The following CLSTN2 variants were observed in gnomAD, a reference collection of about 807,000 sequenced individuals.
CLSTN2 encodes calsyntenin-2.
Under a neutral mutation model 101.2 loss-of-function variants are expected in CLSTN2, and 48 were observed. The ratio of observed to expected loss-of-function variants is 0.47; its 90% CI spans 0.38 to 0.60. The LOEUF (loss-of-function observed/expected upper bound fraction) is 0.60. CLSTN2 is among the 20% of genes least tolerant of loss of function. The pLI, the probability that CLSTN2 is intolerant of heterozygous loss-of-function variation, is 0.00. For synonymous variants in CLSTN2, 481 were observed against 463.6 expected (o/e 1.04, Z -0.48); for missense variants, 1,160 against 1,238.2 (o/e 0.94, Z 0.95).
chr3:140,011,568 A>G (rs1030923491), intron 1 of CLSTN2, among the ~76,000 whole-genome samples: 2 of 152,178 alleles, frequency 1.3e-5, no homozygotes, highest in African/African-American at 4.8e-5. Context: ...GAATACACAG[A>G]TGCTACCTGG....
chr3:140,079,648 G>A (rs531050323), intron 1 of CLSTN2, among the ~76,000 whole-genome samples: 9 of 152,018 alleles, frequency 5.9e-5, no homozygotes, highest in African/African-American at 2.2e-4. Flanking sequence ...CTACTTGGGA[G>A]GCTGAAGCAG....
intron 8 of CLSTN2, among the ~76,000 whole-genome samples, chr3:140,480,025 A>C (rs967441798): frequency 6.6e-6 from 1 of 152,064 alleles, no homozygotes; most frequent in Non-Finnish European, 1.5e-5. Flanking sequence ...ATATGTATAC[A>C]TGTGCCATGT....
chr3:140,279,756 G>T (rs2086827627), intron 2 of CLSTN2, among the ~76,000 whole-genome samples: 1 of 152,140 alleles, frequency 6.6e-6, no homozygotes, highest in South Asian at 2.1e-4. Flanking sequence ...AAGAAAGAAA[G>T]AAATGGGCCA....
chr3:140,096,876 G>T (rs1404466881), intron 1 of CLSTN2, among the ~76,000 whole-genome samples: 1 of 152,236 alleles, frequency 6.6e-6, no homozygotes, highest in African/African-American at 2.4e-5. Flanking sequence ...GAAGAGACAT[G>T]AAAGAGGCAG....
intron 1 of CLSTN2, among the ~76,000 whole-genome samples, chr3:140,082,634 C>T (rs2008617901): frequency 6.6e-6 from 1 of 152,166 alleles, no homozygotes; most frequent in South Asian, 2.1e-4. Flanking sequence ...ACCTTCTCAT[C>T]CCCTCGTTGT....
At chr3:140,561,387 C>G (rs868611603) in intron 12 of CLSTN2, among the ~76,000 whole-genome samples, 14 of 152,268 alleles carry the variant, frequency 9.2e-5, no homozygotes, top group Middle Eastern at 3.4e-3. Flanking sequence ...CCGAACTCTG[C>G]CCAGCATTCA....
rs1200019512 is a variant in CLSTN2, at chr3:140,574,953, G to A, written c.*8700G>A. 1 of 152,148 alleles carries A rather than the reference G, an allele frequency of 6.6e-6. No homozygotes were observed. Among genetic ancestry groups the A allele is most frequent in the African/African-American group, 2.4e-5 (1 of 41,418 alleles). The allele number at this position is 152,148 out of a possible 1,614,324, so 9.4% of individuals were successfully genotyped here. On this transcript the variant is annotated 3_prime_UTR_variant, in exon 17 of 17. Coordinates refer to ENST00000458420, the MANE Select transcript of CLSTN2 (RefSeq NM_022131.3). ...TTGCTTGTGCCTGTGGGTCATGGAT[G>A]TTAATATAAAGGCTCATCCACCCTT...
At chr3:140,150,360 A>G (rs1018091208) in intron 1 of CLSTN2, among the ~76,000 whole-genome samples, 7 of 152,188 alleles carry the variant, frequency 4.6e-5, no homozygotes, top group Non-Finnish European at 8.8e-5. Context: ...TCTCATTTTT[A>G]AAATGGAAAT....
intron 1 of CLSTN2, among the ~76,000 whole-genome samples, chr3:139,996,134 T>G (rs1358688990): frequency 1.3e-5 from 2 of 152,194 alleles, no homozygotes; most frequent in African/African-American, 4.8e-5. Flanking sequence ...TTTTCAAAAG[T>G]TTTAATCATA....
At position 140,566,070 on chromosome 3, in the gene CLSTN2, G is replaced by A. The variant is rs772978569; in HGVS notation, c.2685G>A (p.Gly895=). ...ATATCCAGAAACATGAAGGACCAGG[G>A]CATGGGGAAGATGAGACTGAGGGAG... ...VNPMEKHEGP[G]HGEDETEGEE... Residue 895 remains glycine (G), a synonymous_variant, in exon 17 of 17, where the codon GGG becomes GGA. Coordinates refer to ENST00000458420, the MANE Select transcript of CLSTN2 (RefSeq NM_022131.3). 15 of 1,613,948 alleles carry A rather than the reference G, an allele frequency of 9.3e-6. No individual in the cohort carries two copies. Among genetic ancestry groups the A allele is most frequent in the Non-Finnish European group, 1.3e-5 (15 of 1,179,860 alleles).
intron 2 of CLSTN2, among the ~76,000 whole-genome samples, chr3:140,271,664 G>C (rs1240496963): frequency 6.6e-6 from 1 of 152,128 alleles, no homozygotes; most frequent in African/African-American, 2.4e-5. Context: ...TCACTTCCCA[G>C]TGGCCCCACC....
intron 2 of CLSTN2, among the ~76,000 whole-genome samples, chr3:140,353,158 G>A (rs548701413): frequency 6.6e-6 from 1 of 151,978 alleles, no homozygotes; most frequent in African/African-American, 2.4e-5. Context: ...TCAGTAACTT[G>A]AGCAACTGTG....
At chr3:140,122,822 G>A (rs914139887) in intron 1 of CLSTN2, among the ~76,000 whole-genome samples, 12 of 152,112 alleles carry the variant, frequency 7.9e-5, no homozygotes, top group African/African-American at 2.9e-4. Flanking sequence ...CACATATTTT[G>A]TTGTTCTTCT....
At chr3:140,260,057 A>G (rs1213627899) in intron 2 of CLSTN2, among the ~76,000 whole-genome samples, 1 of 151,618 alleles carries the variant, frequency 6.6e-6, no homozygotes, top group East Asian at 1.9e-4. Flanking sequence ...TGTACACCAA[A>G]TCCCAGTGAC....
chr3:139,937,072 A>G (rs1935034288), intron 1 of CLSTN2, among the ~76,000 whole-genome samples: 1 of 147,922 alleles, frequency 6.8e-6, no homozygotes, highest in Non-Finnish European at 1.5e-5. Context: ...CCCAATATAG[A>G]CACTTTGTTA....
intron 1 of CLSTN2, among the ~76,000 whole-genome samples, chr3:140,156,559 G>T (rs75329659): frequency 6.6e-6 from 1 of 152,164 alleles, no homozygotes; most frequent in African/African-American, 2.4e-5. Context: ...CCAGCTGCTG[G>T]GCAGTGAAAG....
intron 2 of CLSTN2, among the ~76,000 whole-genome samples, chr3:140,361,836 A>G (rs1576532560): frequency 6.6e-6 from 1 of 152,164 alleles, no homozygotes; most frequent in Admixed American, 6.5e-5. Flanking sequence ...AGAAAGATCT[A>G]ATAAATGGAG....
chr3:140,159,520 G>A (rs1488044177), intron 1 of CLSTN2, among the ~76,000 whole-genome samples: 1 of 151,920 alleles, frequency 6.6e-6, no homozygotes, highest in Non-Finnish European at 1.5e-5. Flanking sequence ...AAAAAACAGA[G>A]GCTGGTAAGG....
At chr3:140,246,365 G>C (rs1287528666) in intron 2 of CLSTN2, among the ~76,000 whole-genome samples, 1 of 152,120 alleles carries the variant, frequency 6.6e-6, no homozygotes, top group African/African-American at 2.4e-5. Flanking sequence ...TGCTACTGGG[G>C]GATCTTTTAC....
Sources: gnomAD v4.1 joint callset for allele counts (sites outside exome capture counted in the v4.1 genomes callset) on GRCh38, gnomAD v4.1.1 for gene constraint, MANE v1.5 for transcripts, NCBI Gene and HGNC (gene_info 2026-07-23, HGNC 2026-07-21) for gene names.